The following CNBD2 variants were observed in gnomAD, a reference collection of about 807,000 sequenced individuals.
The protein encoded by CNBD2 is cyclic nucleotide-binding domain-containing protein 2.
In CNBD2, 64 loss-of-function variants were observed where a neutral mutation model predicts 63.7. The observed-to-expected ratio is 1.00, with a 90% CI of 0.82 to 1.24. CNBD2 has a LOEUF of 1.24. Among genes scored for constraint, CNBD2 ranks in the 50% most tolerant of loss-of-function variants. CNBD2 has a pLI of 0.00. For missense variants in CNBD2, 691 were observed against 713.5 expected (o/e 0.97, Z 0.36); for synonymous variants, 229 against 255.4 (o/e 0.90, Z 0.99).
intron 11 of CNBD2, among the ~76,000 whole-genome samples, chr20:36,025,987 G>T (rs933615587): frequency 6.6e-6 from 1 of 152,036 alleles, no homozygotes; most frequent in African/African-American, 2.4e-5. Context: ...TACTCTAGTG[G>T]ATCTTGTACA....
upstream of CNBD2, among the ~76,000 whole-genome samples, chr20:35,965,631 T>C (rs564289140): frequency 6.6e-6 from 1 of 152,332 alleles, no homozygotes; most frequent in Non-Finnish European, 1.5e-5. Flanking sequence ...GTTACAGTTA[T>C]AAAATCAGGA....
At chr20:35,965,266 C>T (rs891711470), upstream of CNBD2, among the ~76,000 whole-genome samples, 1 of 151,466 alleles carries the variant, frequency 6.6e-6, no homozygotes, top group Non-Finnish European at 1.5e-5. Flanking sequence ...CAACCTGCGC[C>T]TCCCAGGCTC....
At chr20:36,012,828 A>G (rs2057081055) in intron 10 of CNBD2, among the ~76,000 whole-genome samples, 1 of 151,772 alleles carries the variant, frequency 6.6e-6, no homozygotes, top group Admixed American at 6.6e-5. Context: ...GTCTCAAAAA[A>G]AAAAAAAAAA....
At chr20:35,967,170 G>A (rs891267628), upstream of CNBD2, among the ~76,000 whole-genome samples, 8 of 148,726 alleles carry the variant, frequency 5.4e-5, no homozygotes, top group Non-Finnish European at 8.9e-5. Flanking sequence ...AGGCACCAAA[G>A]TGAGTCATGG....
chr20:36,019,550 AAAG>A (rs1451473013), intron 10 of CNBD2, among the ~76,000 whole-genome samples: 6 of 151,040 alleles, frequency 4.0e-5, no homozygotes, highest in Non-Finnish European at 8.9e-5. Context: ...AAAAAAAAAA[AAAG>A]AATAAGCTAT....
At chr20:35,983,502 A>G (rs911196699) in intron 4 of CNBD2, among the ~76,000 whole-genome samples, 15 of 152,230 alleles carry the variant, frequency 9.9e-5, no homozygotes, top group East Asian at 7.8e-4. Context: ...GTCTCATTCT[A>G]GGCATACTCA....
chr20:35,987,268 C>A lies in CNBD2; in HGVS notation c.717-127C>A, dbSNP rs1031856617. 4 of 994,114 alleles carry A rather than the reference C, an allele frequency of 4.0e-6. No individual in the cohort carries two copies. In the Admixed American group the frequency reaches 8.3e-5, roughly 21 times the overall value. 61.6% of individuals were successfully genotyped at this position (994,114 alleles called of 1,614,324 possible). A position where few individuals can be genotyped will look rare whatever the true frequency, so the allele number is the denominator to read the frequency against. Reference sequence around the variant, plus strand: ...CTACAGGCAAGGCCAGGTAATTGGGCAGGTAGCAGCGAAATCTTCCACCCA... The same window carrying A: ...CTACAGGCAAGGCCAGGTAATTGGGAAGGTAGCAGCGAAATCTTCCACCCA... On this transcript the variant is annotated intron_variant, in intron 6 of 11. Transcript: ENST00000373973.
At chr20:35,972,570 T>C in intron 1 of CNBD2, 59 bp from the exon 2 acceptor site, 1 of 1,550,210 alleles carries the variant, frequency 6.5e-7, no homozygotes, top group African/African-American at 1.4e-5. Flanking sequence ...CCATCCAGCC[T>C]GCTGTTGACT....
intron 1 of CNBD2, among the ~76,000 whole-genome samples, chr20:35,971,123 A>AT (rs975488194): frequency 6.7e-6 from 1 of 149,468 alleles, no homozygotes; most frequent in Non-Finnish European, 1.5e-5. Context: ...AATTTTTTGT[A>AT]TTTTTAGTAG....
chr20:35,990,699 TCAA>T (rs1472731496), intron 7 of CNBD2, among the ~76,000 whole-genome samples: 4 of 151,392 alleles, frequency 2.6e-5, no homozygotes, highest in African/African-American at 4.9e-5. Context: ...GCCTGTAATC[TCAA>T]CACTTTGGGA....
chr20:36,030,409 C>A lies in CNBD2; in HGVS notation c.1492C>A (p.Arg498=). Residue 498 remains arginine, a synonymous_variant, in exon 12 of 12, where the codon CGG becomes AGG. Coordinates refer to ENST00000373973, the MANE Select transcript of CNBD2 (RefSeq NM_001365709.1). The part of the protein sequence containing the change: ...FLQQNSWNIF[R]KDLLQLLVEP... ...CCAGCAGAACAGCTGGAATATCTTT[C>A]GGAAGGACCTGTTGCAGCTGCTCGT... 1 of 1,614,114 alleles carries A rather than the reference C, an allele frequency of 6.2e-7. No individual in the cohort carries two copies. The highest frequency in any genetic ancestry group is 8.5e-7 in the Non-Finnish European group (1 of 1,180,028).
intron 11 of CNBD2, among the ~76,000 whole-genome samples, chr20:36,024,409 A>C (rs1337825549): frequency 6.6e-6 from 1 of 151,966 alleles, no homozygotes; most frequent in Non-Finnish European, 1.5e-5. Context: ...CAAGTGGATC[A>C]CCTGAGGTCA....
chr20:35,984,194 A>G, intron 5 of CNBD2, 56 bp downstream of exon 5: 2 of 1,540,500 alleles, frequency 1.3e-6, no homozygotes, highest in Non-Finnish European at 1.8e-6. Flanking sequence ...AGGTGACAGG[A>G]CTTCTGCTAG....
At chr20:36,018,090 C>A (rs1008513498) in intron 10 of CNBD2, among the ~76,000 whole-genome samples, 3 of 152,216 alleles carry the variant, frequency 2.0e-5, no homozygotes, top group African/African-American at 7.2e-5. Flanking sequence ...ATTTATACGT[C>A]TTTGTTAGAG....
chr20:35,981,438 T>C (rs1013820102), intron 4 of CNBD2, among the ~76,000 whole-genome samples: 2 of 152,070 alleles, frequency 1.3e-5, no homozygotes, highest in Non-Finnish European at 2.9e-5. Context: ...TTATTCTTTT[T>C]ATTATTATTA....
chr20:35,967,239 CTTTTTTTTT>C (rs141881380), upstream of CNBD2, among the ~76,000 whole-genome samples: 3 of 86,992 alleles, frequency 3.4e-5, no homozygotes, highest in East Asian at 4.2e-4. Flanking sequence ...CCCCCTCCCG[CTTTTTTTTT>C]TTTTTTTTTT....
chr20:36,018,784 C>T (rs1318367395), intron 10 of CNBD2, among the ~76,000 whole-genome samples: 1 of 152,202 alleles, frequency 6.6e-6, no homozygotes, highest in East Asian at 1.9e-4. Context: ...CCATGGGCAG[C>T]GCAGAAGAGA....
intron 3 of CNBD2, among the ~76,000 whole-genome samples, chr20:35,979,342 T>A (rs2056564764): frequency 6.6e-6 from 1 of 152,250 alleles, no homozygotes; most frequent in Non-Finnish European, 1.5e-5. Context: ...AACTAGTAAG[T>A]TACCCACTTT....
At chr20:35,985,602 C>T (rs907414822) in intron 6 of CNBD2, among the ~76,000 whole-genome samples, 1 of 151,716 alleles carries the variant, frequency 6.6e-6, no homozygotes, top group African/African-American at 2.4e-5. Context: ...TCTCCTGCCT[C>T]AGCCTCCCAC....
Sources: allele counts gnomAD v4.1 joint callset (sites outside exome capture counted in the v4.1 genomes callset), GRCh38; gene constraint gnomAD v4.1.1; transcripts MANE v1.5; gene names NCBI Gene and HGNC (gene_info 2026-07-23, HGNC 2026-07-21).